Variants in SLC28A1 observed in about 807,000 individuals in gnomAD.
SLC28A1 encodes solute carrier family 28 member 1.
A neutral mutation model predicts 74.8 loss-of-function variants in SLC28A1; 64 were observed. That is an observed-to-expected ratio of 0.86 (90% CI 0.70 to 1.05). SLC28A1 has a LOEUF of 1.05. Ranked by LOEUF, SLC28A1 falls within the 50% of genes least tolerant of loss-of-function variation. SLC28A1 has a pLI of 0.00. For missense variants in SLC28A1, 828 were observed against 822.8 expected (o/e 1.01, Z -0.08); for synonymous variants, 359 against 335.0 (o/e 1.07, Z -0.78).
At chr15:84,930,404 C>T (rs913351613) in intron 12 of SLC28A1, among the ~76,000 whole-genome samples, 4 of 152,136 alleles carry the variant, frequency 2.6e-5, no homozygotes, top group African/African-American at 9.7e-5. Context: ...CCACACAGGG[C>T]CCTGGGGAGG....
At chr15:84,909,414 A>T (rs1485778283) in intron 9 of SLC28A1, among the ~76,000 whole-genome samples, 3 of 152,184 alleles carry the variant, frequency 2.0e-5, no homozygotes, top group Non-Finnish European at 4.4e-5. Flanking sequence ...AAAATATTAT[A>T]GGGGAAATGG....
At chr15:84,969,499 G>A in the SLC28A1 span, among the ~76,000 whole-genome samples, 2 of 149,632 alleles carry the variant, frequency 1.3e-5, no homozygotes, top group South Asian at 4.4e-4. Flanking sequence ...GCCAGGTCTG[G>A]TAATTATGTG....
chr15:84,888,713 G>C (rs1358582888), intron 3 of SLC28A1, 59 bp from the exon 4 acceptor site: 5 of 1,265,290 alleles, frequency 4.0e-6, no homozygotes, highest in Non-Finnish European at 4.5e-6. Context: ...ACCCCCAGCT[G>C]TAAGTTCCTG....
At chr15:84,908,929 G>A (rs1419660770) in intron 9 of SLC28A1, 134 bp downstream of exon 9, 2 of 753,258 alleles carry the variant, frequency 2.7e-6, no homozygotes, top group East Asian at 5.0e-5. Context: ...GTACTGGGAA[G>A]TTAGTGAACC....
intron 6 of SLC28A1, among the ~76,000 whole-genome samples, chr15:84,900,676 C>T (rs1273601416): frequency 2.0e-5 from 3 of 152,172 alleles, no homozygotes; most frequent in Middle Eastern, 3.4e-3. Context: ...TGGTGGTGTG[C>T]ACCTGTGATC....
At chr15:84,929,836 T>C (rs1971069521) in intron 12 of SLC28A1, among the ~76,000 whole-genome samples, 1 of 152,198 alleles carries the variant, frequency 6.6e-6, no homozygotes, top group African/African-American at 2.4e-5. Flanking sequence ...CACTCCAGCC[T>C]GGGTGACAGA....
chr15:84,940,069 C>G (rs1972467176), intron 15 of SLC28A1, among the ~76,000 whole-genome samples: 1 of 152,206 alleles, frequency 6.6e-6, no homozygotes, highest in African/African-American at 2.4e-5. Flanking sequence ...CTCAAGCAAT[C>G]CTTCTGCCCT....
At chr15:84,938,985 C>G (rs559780572) in intron 15 of SLC28A1, among the ~76,000 whole-genome samples, 41 of 152,278 alleles carry the variant, frequency 2.7e-4, no homozygotes, top group African/African-American at 9.4e-4. Context: ...GGCCAAGGAA[C>G]AGTTGGAAAT....
At chr15:84,929,543 CAAAAA>C (rs58184497) in intron 12 of SLC28A1, among the ~76,000 whole-genome samples, 3 of 144,562 alleles carry the variant, frequency 2.1e-5, no homozygotes, top group Admixed American at 6.9e-5. Flanking sequence ...GACTCTGTTT[CAAAAA>C]AAAAAAAAAA....
Position 84,944,799 on chromosome 15 carries a change from C to T in SLC28A1, c.1806C>T (p.Ser602=), listed in dbSNP as rs755216191. 2 of 1,614,014 alleles carry T rather than the reference C, an allele frequency of 1.2e-6. No homozygotes were observed. The highest frequency in any genetic ancestry group is 1.7e-5 in the Admixed American group (1 of 60,014). ...MPRGAEVDCM[S]LLNTTLSSSS... ...GGGGGGCTGAAGTTGACTGCATGTC[C>T]CTCTTGAACACGACCCTCAGCAGCA... The change falls in exon 18 of 19, where the codon TCC becomes TCT. Residue 602 remains serine (S), a synonymous_variant. Coordinates refer to ENST00000394573, the MANE Select transcript of SLC28A1 (RefSeq NM_004213.5).
chr15:84,950,888 C>T, the SLC28A1 span, among the ~76,000 whole-genome samples: 4 of 152,154 alleles, frequency 2.6e-5, no homozygotes, highest in East Asian at 1.9e-4. Context: ...GCCATATTGC[C>T]GTGTTACGAC....
intron 12 of SLC28A1, among the ~76,000 whole-genome samples, chr15:84,930,537 C>T (rs565619669): frequency 9.9e-5 from 15 of 151,990 alleles, no homozygotes; most frequent in Non-Finnish European, 1.9e-4. Context: ...CTGAGAGGGT[C>T]TCCAGCCTGG....
chr15:84,886,633 T>G, intron 1 of SLC28A1, 39 bp from the exon 2 acceptor site: 1 of 985,336 alleles, frequency 1.0e-6, no homozygotes, highest in East Asian at 1.1e-4. Context: ...CAGAACTGGG[T>G]GGCAGGCCCA....
chr15:84,931,173 T>G (rs1014554531), intron 12 of SLC28A1, among the ~76,000 whole-genome samples: 2 of 151,854 alleles, frequency 1.3e-5, no homozygotes. Context: ...CCCAAAATGC[T>G]GGGATTACAG....
At chr15:84,894,667 C>T (rs770506880) in intron 5 of SLC28A1, among the ~76,000 whole-genome samples, 2 of 152,216 alleles carry the variant, frequency 1.3e-5, no homozygotes, top group South Asian at 2.1e-4. Flanking sequence ...TTTGGCTTCA[C>T]GGCCTCCTTA....
chr15:84,954,478 G>A, the SLC28A1 span, among the ~76,000 whole-genome samples: 1 of 152,226 alleles, frequency 6.6e-6, no homozygotes, highest in Admixed American at 6.5e-5. Flanking sequence ...TTTTCTGAAT[G>A]CTTATTGTGA....
intron 12 of SLC28A1, among the ~76,000 whole-genome samples, chr15:84,928,947 C>T (rs1472228917): frequency 6.6e-6 from 1 of 151,938 alleles, no homozygotes; most frequent in Non-Finnish European, 1.5e-5. Context: ...TTCTTAAAAC[C>T]ACTTTGTTGC....
At chr15:84,973,247 C>T in the SLC28A1 span, among the ~76,000 whole-genome samples, 1 of 152,098 alleles carries the variant, frequency 6.6e-6, no homozygotes, top group African/African-American at 2.4e-5. Flanking sequence ...ATTTTTTAAT[C>T]TCATTACTTC....
chr15:84,973,701 T>C, the SLC28A1 span, among the ~76,000 whole-genome samples: 4 of 152,224 alleles, frequency 2.6e-5, no homozygotes, highest in African/African-American at 9.7e-5. Flanking sequence ...CTTGTAATTA[T>C]ACGCTCGCGT....
Sources: gnomAD v4.1 joint callset for allele counts (sites outside exome capture counted in the v4.1 genomes callset) on GRCh38, gnomAD v4.1.1 for gene constraint, MANE v1.5 for transcripts, NCBI Gene and HGNC (gene_info 2026-07-23, HGNC 2026-07-21) for gene names.